The following GRIN2B variants were observed in gnomAD, a reference collection of about 807,000 sequenced individuals.
The protein encoded by GRIN2B is glutamate ionotropic receptor NMDA type subunit 2B.
Under a neutral mutation model 114.5 loss-of-function variants are expected in GRIN2B, and 5 were observed. That is an observed-to-expected ratio of 0.04 (90% CI 0.02 to 0.09). GRIN2B has a LOEUF of 0.09. Among genes scored for constraint, GRIN2B ranks in the 10% least tolerant of loss-of-function variants. The pLI, the probability that GRIN2B is intolerant of heterozygous loss-of-function variation, is 1.00. For missense variants in GRIN2B, 1,108 were observed against 1,943.5 expected (o/e 0.57, Z 8.08); for synonymous variants, 787 against 745.1 (o/e 1.06, Z -0.92).
chr12:13,694,761 C>G (rs548701844), intron 4 of GRIN2B, among the ~76,000 whole-genome samples: 1 of 145,316 alleles, frequency 6.9e-6, no homozygotes, highest in South Asian at 2.2e-4. Flanking sequence ...AATCCTCAAA[C>G]AGGCACCAAG....
At chr12:13,681,286 C>T (rs1451441850) in intron 4 of GRIN2B, among the ~76,000 whole-genome samples, 4 of 152,134 alleles carry the variant, frequency 2.6e-5, no homozygotes, top group African/African-American at 9.7e-5. Context: ...TCAGATGAAA[C>T]AGACAAAGCC....
chr12:13,706,055 A>G (rs1950357253), intron 4 of GRIN2B, among the ~76,000 whole-genome samples: 1 of 152,164 alleles, frequency 6.6e-6, no homozygotes, highest in Non-Finnish European at 1.5e-5. Context: ...AGAGACTGTC[A>G]TCCTCATCTC....
chr12:13,682,359 G>A (rs1236943833), intron 4 of GRIN2B, among the ~76,000 whole-genome samples: 3 of 135,636 alleles, frequency 2.2e-5, no homozygotes, highest in Non-Finnish European at 4.9e-5. Flanking sequence ...GTTCTTTTAG[G>A]CAAAATGATA....
chr12:13,938,403 C>T (rs965582726), intron 2 of GRIN2B, among the ~76,000 whole-genome samples: 53 of 152,192 alleles, frequency 3.5e-4, no homozygotes, highest in African/African-American at 1.1e-3. Context: ...CTACATGATC[C>T]AGCAATTCTA....
chr12:13,711,378 G>A (rs1205536793), intron 4 of GRIN2B, among the ~76,000 whole-genome samples: 1 of 152,126 alleles, frequency 6.6e-6, no homozygotes, highest in African/African-American at 2.4e-5. Context: ...ATTGAGCAAT[G>A]GGATCTAATC....
rs75176962 is a variant in GRIN2B, at chr12:13,777,509, A to G, written c.412-23594T>C. Among the ~76,000 whole-genome samples, 767 of 152,314 alleles carry G rather than the reference A, an allele frequency of 5.0e-3. 5 individuals carry two copies. Among genetic ancestry groups the G allele is most frequent in the African/African-American group, 0.017 (709 of 41,574 alleles). ...CCACACTGCACTGAAGTATTCCGCA[A>G]TACCCATCTTCAGAATAAGGACCTG... On this transcript the variant is annotated intron_variant, in intron 3 of 13. Transcript: ENST00000609686.
At chr12:13,727,816 T>C (rs1863018417) in intron 4 of GRIN2B, among the ~76,000 whole-genome samples, 1 of 152,194 alleles carries the variant, frequency 6.6e-6, no homozygotes, top group Non-Finnish European at 1.5e-5. Context: ...ATGCAAACCA[T>C]GTTCCTACTT....
intron 2 of GRIN2B, among the ~76,000 whole-genome samples, chr12:13,874,666 T>C (rs974597388): frequency 6.6e-6 from 1 of 152,212 alleles, no homozygotes; most frequent in Non-Finnish European, 1.5e-5. Flanking sequence ...AGGGCAATTG[T>C]GTGTATTGGT....
At chr12:13,716,994 A>G (rs2136587817) in intron 4 of GRIN2B, among the ~76,000 whole-genome samples, 1 of 151,916 alleles carries the variant, frequency 6.6e-6, no homozygotes, top group East Asian at 1.9e-4. Flanking sequence ...TTCTCAACAG[A>G]AGGGGAAATG....
At chr12:13,831,880 G>C (rs1268539322) in intron 3 of GRIN2B, among the ~76,000 whole-genome samples, 2 of 152,180 alleles carry the variant, frequency 1.3e-5, no homozygotes, top group Non-Finnish European at 2.9e-5. Flanking sequence ...GCAGTACCCT[G>C]TGTTTCATTA....
chr12:13,909,086 T>A (rs1271447118), intron 2 of GRIN2B, among the ~76,000 whole-genome samples: 3 of 152,108 alleles, frequency 2.0e-5, no homozygotes, highest in Admixed American at 2.0e-4. Context: ...TACTTTCTTC[T>A]CTCCTTCTGC....
chr12:13,661,478 C>G (rs1469209486), intron 5 of GRIN2B, among the ~76,000 whole-genome samples: 3 of 152,218 alleles, frequency 2.0e-5, no homozygotes, highest in African/African-American at 4.8e-5. Flanking sequence ...TCAGAATTCG[C>G]AGCTGCCCCC....
chr12:13,859,676 T>A (rs1865722381), intron 3 of GRIN2B, among the ~76,000 whole-genome samples: 1 of 152,136 alleles, frequency 6.6e-6, no homozygotes, highest in East Asian at 1.9e-4. Context: ...TGAATTCAGA[T>A]TTCAGTCCCA....
intron 5 of GRIN2B, among the ~76,000 whole-genome samples, chr12:13,657,820 C>T (rs78372913): frequency 1.3e-5 from 2 of 152,086 alleles, no homozygotes; most frequent in African/African-American, 2.4e-5. Context: ...ATATTTATGA[C>T]ATCATTCACA....
intron 5 of GRIN2B, among the ~76,000 whole-genome samples, chr12:13,671,275 T>A (rs2136536488): frequency 6.6e-6 from 1 of 152,264 alleles, no homozygotes; most frequent in African/African-American, 2.4e-5. Context: ...CCTCTTTGAA[T>A]CTTTACAACA....
intron 4 of GRIN2B, among the ~76,000 whole-genome samples, chr12:13,717,723 C>T (rs555244820): frequency 1.3e-5 from 2 of 152,132 alleles, no homozygotes; most frequent in Admixed American, 6.6e-5. Context: ...TATACCTTCA[C>T]TGTCATAAAG....
intron 4 of GRIN2B, among the ~76,000 whole-genome samples, chr12:13,746,172 G>A (rs555848627): frequency 3.5e-4 from 53 of 152,242 alleles, no homozygotes; most frequent in Non-Finnish European, 6.6e-4. Flanking sequence ...AATGTCTCTC[G>A]AGGACATTTG....
chr12:13,962,438 G>A (rs551509883), intron 2 of GRIN2B, among the ~76,000 whole-genome samples: 2 of 152,258 alleles, frequency 1.3e-5, no homozygotes, highest in South Asian at 2.1e-4. Context: ...AATTGCATTC[G>A]TTTTGTATAA....
intron 3 of GRIN2B, among the ~76,000 whole-genome samples, chr12:13,850,514 T>C (rs901520347): frequency 6.6e-5 from 10 of 152,062 alleles, no homozygotes; most frequent in Non-Finnish European, 1.2e-4. Context: ...AGACTGGGGG[T>C]GGACCTGACA....
Sources: allele counts gnomAD v4.1 joint callset (sites outside exome capture counted in the v4.1 genomes callset), GRCh38; gene constraint gnomAD v4.1.1; transcripts MANE v1.5; gene names NCBI Gene and HGNC (gene_info 2026-07-23, HGNC 2026-07-21).